The following GNG12 variants were observed in gnomAD, a reference collection of about 807,000 sequenced individuals.
GNG12 encodes guanine nucleotide-binding protein G(I)/G(S)/G(O) subunit gamma-12.
For missense variants in GNG12, 69 were observed against 83.8 expected (o/e 0.82, Z 0.69); for synonymous variants, 28 against 29.7 (o/e 0.94, Z 0.19).
intron 2 of GNG12, among the ~76,000 whole-genome samples, chr1:67,770,265 C>T (rs141897043): frequency 1.1e-3 from 163 of 152,286 alleles, no homozygotes; most frequent in African/African-American, 3.9e-3. Flanking sequence ...CTGATTCCTA[C>T]GGTTTCCAAG....
rs982443923 is a variant in GNG12, at chr1:67,701,644, G to T, written c.*3807C>A. On this transcript the variant is annotated 3_prime_UTR_variant, in exon 4 of 4. Coordinates refer to ENST00000370982, the MANE Select transcript of GNG12 (RefSeq NM_018841.6). ...TCCATAGGACATATTTCCAAATAATGATCACAGTATTATGGTTAATAAGAT... is the reference window on the plus strand; with the variant it reads ...TCCATAGGACATATTTCCAAATAATTATCACAGTATTATGGTTAATAAGAT... 6.6e-6 allele frequency: 1 copy of T among 152,568 alleles called. No individual in the cohort carries two copies. Among genetic ancestry groups the T allele is most frequent in the Non-Finnish European group, 1.5e-5 (1 of 68,022 alleles). The allele number at this position is 152,568 out of a possible 1,614,324, so 9.5% of individuals were successfully genotyped here.
At chr1:67,733,550 C>T (rs1557599707) in intron 2 of GNG12, among the ~76,000 whole-genome samples, 1 of 152,074 alleles carries the variant, frequency 6.6e-6, no homozygotes, top group East Asian at 1.9e-4. Context: ...CCACCCTTGC[C>T]CATACAGAGG....
intron 2 of GNG12, among the ~76,000 whole-genome samples, chr1:67,718,810 C>T (rs910123614): frequency 3.9e-5 from 6 of 152,232 alleles, no homozygotes; most frequent in African/African-American, 1.4e-4. Flanking sequence ...AGGAAAAGTC[C>T]AAAGGGCTTG....
At chr1:67,779,779 G>A (rs749462231) in intron 1 of GNG12, among the ~76,000 whole-genome samples, 19 of 152,090 alleles carry the variant, frequency 1.2e-4, no homozygotes, top group Non-Finnish European at 2.6e-4. Flanking sequence ...AATTGTTAGG[G>A]GACTTCATCG....
At chr1:67,811,963 C>A (rs1646928837) in intron 1 of GNG12, among the ~76,000 whole-genome samples, 1 of 152,058 alleles carries the variant, frequency 6.6e-6, no homozygotes, top group Non-Finnish European at 1.5e-5. Flanking sequence ...CATAGGCTGA[C>A]AATAAGTAAA....
chr1:67,820,570 C>G (rs565633240), intron 1 of GNG12, among the ~76,000 whole-genome samples: 1 of 152,176 alleles, frequency 6.6e-6, no homozygotes, highest in Non-Finnish European at 1.5e-5. Context: ...GCGGATGCCT[C>G]ACCTGTCACA....
intron 1 of GNG12, among the ~76,000 whole-genome samples, chr1:67,790,297 ATTTTACATACAT>A (rs1646794384): frequency 6.6e-6 from 1 of 152,076 alleles, no homozygotes; most frequent in South Asian, 2.1e-4. Flanking sequence ...AGATCTTTCC[ATTTTACATACAT>A]TTTTACATAC....
chr1:67,719,555 T>C (rs1646345724), intron 2 of GNG12, among the ~76,000 whole-genome samples: 2 of 152,224 alleles, frequency 1.3e-5, no homozygotes, highest in South Asian at 4.1e-4. Context: ...CAATGGTTAA[T>C]TGTATGTTAT....
At chr1:67,749,502 C>CAT (rs1025023298) in intron 2 of GNG12, among the ~76,000 whole-genome samples, 1 of 152,172 alleles carries the variant, frequency 6.6e-6, no homozygotes, top group Non-Finnish European at 1.5e-5. Flanking sequence ...TCCCCCACTG[C>CAT]ATATATAGTA....
intron 1 of GNG12, among the ~76,000 whole-genome samples, chr1:67,793,576 T>C (rs1421970464): frequency 6.6e-6 from 1 of 152,154 alleles, no homozygotes; most frequent in Non-Finnish European, 1.5e-5. Flanking sequence ...CCTAGAATGT[T>C]GTGCTTGTGC....
intron 2 of GNG12, among the ~76,000 whole-genome samples, chr1:67,753,652 G>T (rs1646552054): frequency 6.6e-6 from 1 of 152,184 alleles, no homozygotes; most frequent in Non-Finnish European, 1.5e-5. Context: ...TTCACTGCTG[G>T]GTTTGCAATT....
At chr1:67,764,058 C>T (rs376439972) in intron 2 of GNG12, among the ~76,000 whole-genome samples, 52 of 152,246 alleles carry the variant, frequency 3.4e-4, no homozygotes, top group African/African-American at 1.1e-3. Flanking sequence ...CTTTCTCATT[C>T]GTTCACTCCT....
At chr1:67,762,926 G>A (rs181353058) in intron 2 of GNG12, among the ~76,000 whole-genome samples, 14 of 152,130 alleles carry the variant, frequency 9.2e-5, no homozygotes, top group Admixed American at 7.2e-4. Flanking sequence ...ATTTTGCTCC[G>A]TTCTAGCAAA....
chr1:67,815,643 T>G (rs1362092963), intron 1 of GNG12, among the ~76,000 whole-genome samples: 1 of 152,100 alleles, frequency 6.6e-6, no homozygotes, highest in African/African-American at 2.4e-5. Context: ...AATTTGTAAG[T>G]AGGAAGAGTT....
In GNG12 at chr1:67,718,280, C is replaced by G. The variant is rs370949582; in HGVS notation, c.-26-10568G>C. On this transcript the variant is annotated intron_variant, in intron 2 of 3. Coordinates refer to ENST00000370982, the MANE Select transcript of GNG12 (RefSeq NM_018841.6). ...ACAGAGGCCTCCTTTTGCTTCTGCC[C>G]TCTTTCTAACTCCTCAGACCATCTT... Among the ~76,000 whole-genome samples the G allele has an allele frequency of 1.1e-4, 16 of 152,076 alleles. No individual in the cohort carries two copies. In the East Asian group the frequency reaches 1.7e-3, roughly 16 times the overall value.
chr1:67,795,141 C>T (rs1292906365), intron 1 of GNG12, among the ~76,000 whole-genome samples: 1 of 152,196 alleles, frequency 6.6e-6, no homozygotes, highest in Non-Finnish European at 1.5e-5. Flanking sequence ...CATGCAGCTT[C>T]AAACAGTAAT....
At chr1:67,792,606 T>C (rs1295888799) in intron 1 of GNG12, among the ~76,000 whole-genome samples, 1 of 152,238 alleles carries the variant, frequency 6.6e-6, no homozygotes, top group Non-Finnish European at 1.5e-5. Context: ...AAAAAATGCT[T>C]GCAGAATTAA....
intron 2 of GNG12, among the ~76,000 whole-genome samples, chr1:67,767,363 C>T (rs532659530): frequency 6.6e-6 from 1 of 152,184 alleles, no homozygotes; most frequent in Non-Finnish European, 1.5e-5. Context: ...TGCCTGGAGA[C>T]AGATACCGAG....
chr1:67,828,996 C>G (rs753549309), intron 1 of GNG12, among the ~76,000 whole-genome samples: 1 of 152,080 alleles, frequency 6.6e-6, no homozygotes, highest in Non-Finnish European at 1.5e-5. Flanking sequence ...GTAACTATTA[C>G]GCAAATTTTT....
Sources: allele counts gnomAD v4.1 joint callset (sites outside exome capture counted in the v4.1 genomes callset), GRCh38; gene constraint gnomAD v4.1.1; transcripts MANE v1.5; gene names NCBI Gene and HGNC (gene_info 2026-07-23, HGNC 2026-07-21).